ARHGEF10: variants seen among roughly 807,000 people sequenced by gnomAD.
ARHGEF10 encodes the protein Rho guanine nucleotide exchange factor 10.
In ARHGEF10, 140 loss-of-function variants were observed where a neutral mutation model predicts 147.4. The ratio of observed to expected loss-of-function variants is 0.95; its 90% CI spans 0.83 to 1.09. The LOEUF (loss-of-function observed/expected upper bound fraction) is 1.09. Ranked by LOEUF, ARHGEF10 falls within the 50% of genes least tolerant of loss-of-function variation. The pLI is 0.00. For synonymous variants in ARHGEF10, 902 were observed against 695.8 expected (o/e 1.30, Z -4.67); for missense variants, 2,222 against 1,752.7 (o/e 1.27, Z -4.78).
intron 13 of ARHGEF10, among the ~76,000 whole-genome samples, chr8:1,895,710 A>T (rs1006106208): frequency 6.6e-6 from 1 of 152,252 alleles, no homozygotes; most frequent in Admixed American, 6.5e-5. Flanking sequence ...AATGCCAGTC[A>T]CACCAGAGCT....
intron 4 of ARHGEF10, among the ~76,000 whole-genome samples, chr8:1,860,794 T>A (rs984524991): frequency 6.6e-6 from 1 of 152,136 alleles, no homozygotes; most frequent in Non-Finnish European, 1.5e-5. Flanking sequence ...GTTACCGTTA[T>A]GTATGTCCCG....
In ARHGEF10 at chr8:1,933,829, G is replaced by C. The variant is rs773652674; in HGVS notation, c.3109G>C (p.Val1037Leu). 1.2e-6 allele frequency: 2 copies of C among 1,614,184 alleles called. No homozygotes were observed. Among genetic ancestry groups the C allele is most frequent in the East Asian group, 4.5e-5 (2 of 44,886 alleles). ...DGSWDSEPQK[V>L]IKLGVLPVRS... ...ATCCTGGGATTCAGAACCTCAAAAA[G>C]TGATCAAGTTAGGCGTCCTACCAGT... The change falls in exon 26 of 29, where the codon GTG (valine) becomes CTG (leucine). Residue 1037 changes from valine (V) to leucine (L), a missense_variant. Transcript: ENST00000349830.
At chr8:1,902,049 G>A (rs73180750) in intron 15 of ARHGEF10, among the ~76,000 whole-genome samples, 13,176 of 151,972 alleles carry the variant, frequency 0.087, 760 homozygotes, top group Middle Eastern at 0.14. Context: ...TGTTCCATAG[G>A]TATACCTGTG....
intron 1 of ARHGEF10, among the ~76,000 whole-genome samples, chr8:1,824,797 CA>C (rs1802643013): frequency 2.4e-5 from 1 of 41,590 alleles, no homozygotes; most frequent in Non-Finnish European, 4.5e-5. Context: ...TGTCCCCTCG[CA>C]CCCCACCTGT....
At chr8:1,871,564 A>G (rs1807128689) in intron 7 of ARHGEF10, among the ~76,000 whole-genome samples, 2 of 152,190 alleles carry the variant, frequency 1.3e-5, no homozygotes, top group Non-Finnish European at 2.9e-5. Flanking sequence ...TCACACCTGT[A>G]ATCCCAGCAC....
At chr8:1,945,183 C>T (rs911265596) in intron 26 of ARHGEF10, among the ~76,000 whole-genome samples, 10 of 152,222 alleles carry the variant, frequency 6.6e-5, no homozygotes, top group African/African-American at 1.9e-4. Flanking sequence ...TGCCTCCCCT[C>T]GCCAGCCTGC....
At chr8:1,850,460 C>T (rs369724346) in intron 2 of ARHGEF10, among the ~76,000 whole-genome samples, 5 of 148,926 alleles carry the variant, frequency 3.4e-5, no homozygotes, top group African/African-American at 1.2e-4. Flanking sequence ...TGTGGGGCAA[C>T]CGCGTGGGCA....
At chr8:1,940,742 A>T (rs1814022489) in intron 26 of ARHGEF10, among the ~76,000 whole-genome samples, 1 of 152,224 alleles carries the variant, frequency 6.6e-6, no homozygotes, top group Non-Finnish European at 1.5e-5. Context: ...TGCAAATTGA[A>T]ATCAACAGCG....
intron 14 of ARHGEF10, 26 bp from the exon 15 acceptor site, chr8:1,898,407 G>C (rs1419677979): frequency 1.2e-6 from 2 of 1,609,366 alleles, no homozygotes; most frequent in African/African-American, 1.3e-5. Flanking sequence ...CCTGCAGGGA[G>C]GTGACCCCGG....
intron 28 of ARHGEF10, 127 bp downstream of exon 28, chr8:1,952,954 G>A: frequency 7.4e-7 from 1 of 1,343,392 alleles, no homozygotes; most frequent in Non-Finnish European, 1.0e-6. Context: ...GTTTTTCAGT[G>A]TATTATAATG....
chr8:1,863,919 C>T (rs962970706), intron 4 of ARHGEF10, among the ~76,000 whole-genome samples: 1 of 152,014 alleles, frequency 6.6e-6, no homozygotes, highest in African/African-American at 2.4e-5. Context: ...CCACTCCTCT[C>T]TTGAACATCT....
At chr8:1,871,128 A>AAG (rs1319936923) in intron 7 of ARHGEF10, 1 of 151,742 alleles carries the variant, frequency 6.6e-6, no homozygotes, top group African/African-American at 2.4e-5. Flanking sequence ...AAAAAAAAAA[A>AAG]AAAAAATCAG....
rs1400888219 is a variant in ARHGEF10, at chr8:1,865,700, C to G, written c.546-826C>G. On this transcript the variant is annotated intron_variant, in intron 5 of 28. Coordinates refer to ENST00000349830, the MANE Select transcript of ARHGEF10 (RefSeq NM_014629.4). ...CTTGAGAAGTCGTCATCGTGGGGTG[C>G]TCTGCACGGATTATCACGTGATTCC... Among the ~76,000 whole-genome samples the G allele has an allele frequency of 2.8e-5, 4 of 145,268 alleles. No homozygotes were observed. The East Asian group carries it at 8.5e-4, about 31-fold the overall frequency.
chr8:1,835,088 C>T (rs1803500085), intron 1 of ARHGEF10, among the ~76,000 whole-genome samples: 1 of 152,248 alleles, frequency 6.6e-6, no homozygotes, highest in Admixed American at 6.5e-5. Context: ...TGCCAAGGCA[C>T]TGGGACATCC....
intron 1 of ARHGEF10, among the ~76,000 whole-genome samples, chr8:1,833,579 C>T (rs1214278005): frequency 6.6e-6 from 1 of 152,208 alleles, no homozygotes; most frequent in African/African-American, 2.4e-5. Context: ...CTGTTACCGC[C>T]TCCAAGCCCC....
chr8:1,842,649 G>A (rs1804184132), intron 1 of ARHGEF10, among the ~76,000 whole-genome samples: 1 of 152,244 alleles, frequency 6.6e-6, no homozygotes, highest in Non-Finnish European at 1.5e-5. Flanking sequence ...AGAGTTCCCT[G>A]AGGACAGCTT....
At chr8:1,933,286 A>T (rs1418120155) in intron 25 of ARHGEF10, among the ~76,000 whole-genome samples, 1 of 152,170 alleles carries the variant, frequency 6.6e-6, no homozygotes, top group African/African-American at 2.4e-5. Flanking sequence ...CTAATGGGGA[A>T]ATGTAACATC....
intron 1 of ARHGEF10, among the ~76,000 whole-genome samples, chr8:1,828,130 G>A (rs1585192660): frequency 6.6e-6 from 1 of 152,234 alleles, no homozygotes; most frequent in South Asian, 2.1e-4. Context: ...ACAGACAGCC[G>A]AGGCCCTTTT....
At chr8:1,902,719 C>T (rs959036641) in intron 15 of ARHGEF10, among the ~76,000 whole-genome samples, 3 of 152,132 alleles carry the variant, frequency 2.0e-5, no homozygotes, top group African/African-American at 4.8e-5. Context: ...GCTGTGCATT[C>T]GGTGGGTTCG....
Sources: allele counts gnomAD v4.1 joint callset (sites outside exome capture counted in the v4.1 genomes callset), GRCh38; gene constraint gnomAD v4.1.1; transcripts MANE v1.5; gene names NCBI Gene and HGNC (gene_info 2026-07-23, HGNC 2026-07-21).